Variants in STAG1 observed in about 807,000 individuals in gnomAD.
The protein encoded by STAG1 is STAG1 cohesin complex component.
Under a neutral mutation model 170.9 loss-of-function variants are expected in STAG1, and 26 were observed. The ratio of observed to expected loss-of-function variants is 0.15; its 90% CI spans 0.11 to 0.21. The LOEUF (loss-of-function observed/expected upper bound fraction) is 0.21, where lower values mean the gene tolerates loss of function less well. STAG1 is among the 10% of genes least tolerant of loss of function. STAG1 has a pLI of 1.00. For synonymous variants in STAG1, 514 were observed against 497.7 expected (o/e 1.03, Z -0.44); for missense variants, 964 against 1,509.5 (o/e 0.64, Z 5.99).
At chr3:136,429,306 C>A (rs530133702) in intron 16 of STAG1, among the ~76,000 whole-genome samples, 3 of 152,178 alleles carry the variant, frequency 2.0e-5, no homozygotes, top group Non-Finnish European at 4.4e-5. Context: ...ACTTGGGAGT[C>A]TGAGGCAGGA....
chr3:136,371,916 G>T (rs1275508824), intron 23 of STAG1, among the ~76,000 whole-genome samples: 4 of 152,110 alleles, frequency 2.6e-5, no homozygotes, highest in Non-Finnish European at 5.9e-5. Context: ...GCTTGATGGG[G>T]ATGGCATTCA....
intron 7 of STAG1, among the ~76,000 whole-genome samples, chr3:136,517,621 T>C (rs575375824): frequency 6.6e-6 from 1 of 152,160 alleles, no homozygotes; most frequent in Admixed American, 6.5e-5. Flanking sequence ...TTTTTGAACT[T>C]AAAAGGAAAA....
chr3:136,651,180 CGCAGTGA>C (rs936479472), intron 1 of STAG1, among the ~76,000 whole-genome samples: 2 of 151,954 alleles, frequency 1.3e-5, no homozygotes, highest in African/African-American at 4.8e-5. Flanking sequence ...GCATGGGCAA[CGCAGTGA>C]GCTCTCGTCT....
intron 30 of STAG1, among the ~76,000 whole-genome samples, chr3:136,342,221 A>T (rs879492444): frequency 2.6e-4 from 39 of 151,792 alleles, no homozygotes; most frequent in Non-Finnish European, 5.0e-4. Flanking sequence ...GGGTTTCACC[A>T]TGTTAGTTAG....
intron 6 of STAG1, among the ~76,000 whole-genome samples, chr3:136,535,944 C>G (rs1282127866): frequency 1.3e-5 from 2 of 152,138 alleles, no homozygotes; most frequent in Non-Finnish European, 2.9e-5. Context: ...TAATAATTAA[C>G]AAATATAAAT....
At chr3:136,451,388 T>C (rs1034359625) in intron 14 of STAG1, among the ~76,000 whole-genome samples, 53 of 152,198 alleles carry the variant, frequency 3.5e-4, no homozygotes, top group African/African-American at 1.3e-3. Context: ...AAAACTAATG[T>C]TATTAACAGT....
chr3:136,653,165 G>A (rs768867655), intron 1 of STAG1, among the ~76,000 whole-genome samples: 9 of 151,960 alleles, frequency 5.9e-5, no homozygotes, highest in Admixed American at 5.9e-4. Flanking sequence ...CCAGCTACTC[G>A]GGAGGCTGAG....
At chr3:136,563,535 AACTC>A (rs141597311) in intron 5 of STAG1, among the ~76,000 whole-genome samples, 1,983 of 149,150 alleles carry the variant, frequency 0.013, 40 homozygotes, top group African/African-American at 0.046. Context: ...CGCACGCACA[AACTC>A]TCTCTCTCTC....
chr3:136,741,746 G>A (rs1934682604), intron 1 of STAG1, among the ~76,000 whole-genome samples: 1 of 152,158 alleles, frequency 6.6e-6, no homozygotes, highest in South Asian at 2.1e-4. Context: ...GGGATTACAG[G>A]CATGAGTCAC....
intron 3 of STAG1, among the ~76,000 whole-genome samples, chr3:136,616,409 A>T (rs1939599344): frequency 6.6e-6 from 1 of 152,190 alleles, no homozygotes; most frequent in African/African-American, 2.4e-5. Flanking sequence ...TAACATAATT[A>T]AGGAAGTCAG....
At chr3:136,465,192 G>A (rs1331652737) in intron 12 of STAG1, among the ~76,000 whole-genome samples, 1 of 148,058 alleles carries the variant, frequency 6.8e-6, no homozygotes, top group Non-Finnish European at 1.5e-5. Flanking sequence ...TCAACGAGAA[G>A]AAAATAAAAT....
intron 24 of STAG1, among the ~76,000 whole-genome samples, chr3:136,367,772 C>T (rs1043445905): frequency 2.0e-5 from 3 of 152,096 alleles, no homozygotes; most frequent in Admixed American, 6.6e-5. Flanking sequence ...ATTTTGCATA[C>T]CATGTTATGC....
intron 12 of STAG1, among the ~76,000 whole-genome samples, chr3:136,466,144 C>A (rs2089452004): frequency 6.6e-5 from 10 of 152,196 alleles, no homozygotes; most frequent in Admixed American, 6.5e-4. Context: ...CAGAACAAAG[C>A]TGGACGGAGA....
chr3:136,592,198 T>C (rs1247840597), intron 4 of STAG1, among the ~76,000 whole-genome samples: 2 of 152,202 alleles, frequency 1.3e-5, no homozygotes, highest in Non-Finnish European at 2.9e-5. Context: ...AGTTTGGCTA[T>C]GTCTCTACCC....
chr3:136,445,695 A>G (rs2088758513), intron 14 of STAG1, among the ~76,000 whole-genome samples: 1 of 152,208 alleles, frequency 6.6e-6, no homozygotes, highest in African/African-American at 2.4e-5. Context: ...AAGATTTACA[A>G]TCGCATATAT....
At chr3:136,670,485 G>A (rs987377885) in intron 1 of STAG1, among the ~76,000 whole-genome samples, 3 of 152,044 alleles carry the variant, frequency 2.0e-5, no homozygotes, top group African/African-American at 7.2e-5. Context: ...TTTGGGGGGT[G>A]GGTGGAGCAG....
chr3:136,628,863 T>C (rs925408507), intron 2 of STAG1, among the ~76,000 whole-genome samples: 3 of 152,194 alleles, frequency 2.0e-5, no homozygotes, highest in Non-Finnish European at 4.4e-5. Context: ...TAAACAGCAC[T>C]AAGGTGACAA....
chr3:136,460,098 TAAAC>T (rs1000611894), intron 13 of STAG1, among the ~76,000 whole-genome samples: 3 of 151,496 alleles, frequency 2.0e-5, no homozygotes, highest in African/African-American at 7.3e-5. Context: ...TTTTAAAAAA[TAAAC>T]AAAATGGACA....
intron 4 of STAG1, among the ~76,000 whole-genome samples, chr3:136,574,043 C>T (rs1298175001): frequency 6.6e-6 from 1 of 151,904 alleles, no homozygotes; most frequent in African/African-American, 2.4e-5. Context: ...GAGATCGAGA[C>T]CATCCTGGCT....
Sources: allele counts gnomAD v4.1 joint callset (sites outside exome capture counted in the v4.1 genomes callset), GRCh38; gene constraint gnomAD v4.1.1; transcripts MANE v1.5; gene names NCBI Gene and HGNC (gene_info 2026-07-23, HGNC 2026-07-21).